The following PDIA6 variants were observed in gnomAD, a reference collection of about 807,000 sequenced individuals.
PDIA6 encodes the protein protein disulfide-isomerase A6.
In PDIA6, 29 loss-of-function variants were observed where a neutral mutation model predicts 58.4. The observed-to-expected ratio is 0.50, with a 90% CI of 0.37 to 0.68. The LOEUF (loss-of-function observed/expected upper bound fraction) is 0.68. Ranked by LOEUF, PDIA6 falls within the 30% of genes least tolerant of loss-of-function variation. The pLI, the probability that PDIA6 is intolerant of heterozygous loss-of-function variation, is 0.00. For missense variants in PDIA6, 480 were observed against 551.0 expected (o/e 0.87, Z 1.29); for synonymous variants, 192 against 202.6 (o/e 0.95, Z 0.44).
intron 1 of PDIA6, 42 bp downstream of exon 1, chr2:10,812,636 C>A: frequency 6.7e-7 from 1 of 1,503,198 alleles, no homozygotes; most frequent in South Asian, 1.2e-5. Flanking sequence ...CCTTTCAGGC[C>A]GACCCCAGCT....
At chr2:10,795,477 A>G (rs1666225712) in intron 4 of PDIA6, among the ~76,000 whole-genome samples, 1 of 121,934 alleles carries the variant, frequency 8.2e-6, no homozygotes, top group Non-Finnish European at 1.9e-5. Context: ...CCAAGGCCAC[A>G]TCTTCATCTT....
Position 10,797,767 on chromosome 2 carries a change from G to T in PDIA6, c.162-10C>A. ...TTGACAGTGACCACACCTTTTGGGG[G>T]AAGACAACACAAAGCAACCATTAAA... On this transcript the variant is annotated splice_polypyrimidine_tract_variant and intron_variant, in intron 2 of 12. Coordinates refer to ENST00000272227, the MANE Select transcript of PDIA6 (RefSeq NM_005742.4). 6.9e-6 allele frequency: 11 copies of T among 1,603,982 alleles called. No homozygotes were observed. Among genetic ancestry groups the T allele is most frequent in the Non-Finnish European group, 9.4e-6 (11 of 1,175,436 alleles).
upstream of PDIA6, among the ~76,000 whole-genome samples, chr2:10,835,456 C>T (rs114363400): frequency 0.03 from 4,555 of 152,200 alleles, 260 homozygotes; most frequent in African/African-American, 0.1. Context: ...AAGCCCAGTC[C>T]CCAGCCTGGA....
intron 10 of PDIA6, 115 bp downstream of exon 10, chr2:10,788,582 A>C (rs1358159371): frequency 5.3e-6 from 4 of 749,646 alleles, no homozygotes; most frequent in Non-Finnish European, 6.9e-6. Flanking sequence ...AAAAAAAAAA[A>C]CATATAGCAG....
At chr2:10,786,369 A>C (rs138451619) in intron 11 of PDIA6, among the ~76,000 whole-genome samples, 2 of 151,968 alleles carry the variant, frequency 1.3e-5, no homozygotes, top group Non-Finnish European at 2.9e-5. Flanking sequence ...ACAATGAGAG[A>C]GAGCTGGGAG....
chr2:10,816,077 CTTTTTTTT>C (rs57404091), upstream of PDIA6, among the ~76,000 whole-genome samples: 186 of 96,474 alleles, frequency 1.9e-3, 1 homozygote, highest in African/African-American at 6.9e-3. Context: ...AATCATTTGT[CTTTTTTTT>C]TTTTTTTTTT....
Position 10,787,357 on chromosome 2 carries a change from C to T in PDIA6, c.1081G>A (p.Ala361Thr), listed in dbSNP as rs571578605. 1.5e-5 allele frequency: 25 copies of T among 1,614,066 alleles called. No individual in the cohort carries two copies. The highest frequency in any genetic ancestry group is 1.1e-4 in the African/African-American group (8 of 75,024). ...IGGFGYPAMAAINARKMKFAL... is the reference protein window; with the variant it reads ...IGGFGYPAMATINARKMKFAL... ...AATTTCATCTTGCGTGCATTGATGG[C>T]GGCCATGGCGGGGTACCCAAACCCT... The change falls in exon 11 of 13, where the codon GCC (alanine) becomes ACC (threonine). Residue 361 changes from alanine to threonine, a missense_variant. By Grantham distance (58) the Ala-to-Thr change is moderately conservative. Transcript: ENST00000272227.
Position 10,793,296 on chromosome 2 carries a change from G to GTCTTTAC in PDIA6, c.347-95_347-94insGTAAAGA, listed in dbSNP as rs1572659957. 202 of 747,208 alleles carry GTCTTTAC rather than the reference G, an allele frequency of 2.7e-4. 1 individual carries two copies. The East Asian group carries it at 5.2e-3, about 19-fold the overall frequency. 46.3% of individuals were successfully genotyped at this position (747,208 alleles called of 1,614,324 possible). A position where few individuals can be genotyped will look rare whatever the true frequency, so the allele number is the denominator to read the frequency against. ...AGACTGTGTCTTTACCTCACTGTCG[G>GTCTTTAC]CTTCACCAGGTGTGACACAGTTCTG... On this transcript the variant is annotated intron_variant, in intron 4 of 12. Coordinates refer to ENST00000272227, the MANE Select transcript of PDIA6 (RefSeq NM_005742.4).
upstream of PDIA6, among the ~76,000 whole-genome samples, chr2:10,835,560 C>A (rs368451615): frequency 1.2e-3 from 190 of 152,290 alleles, 3 homozygotes; most frequent in African/African-American, 3.9e-3. Flanking sequence ...CCGGCACACT[C>A]GGATACACAG....
chr2:10,835,778 G>A (rs1667819754), upstream of PDIA6, among the ~76,000 whole-genome samples: 1 of 152,150 alleles, frequency 6.6e-6, no homozygotes, highest in Non-Finnish European at 1.5e-5. Flanking sequence ...GGGGCCGGGC[G>A]CGGTGGCTCA....
At chr2:10,806,344 C>A (rs1279360530) in intron 1 of PDIA6, among the ~76,000 whole-genome samples, 3 of 146,196 alleles carry the variant, frequency 2.1e-5, no homozygotes, top group African/African-American at 7.6e-5. Context: ...CTCACTCCAG[C>A]CTGATAGGGC....
intron 1 of PDIA6, among the ~76,000 whole-genome samples, chr2:10,803,470 A>G (rs1666599444): frequency 1.3e-5 from 2 of 151,538 alleles, no homozygotes; most frequent in South Asian, 2.1e-4. Context: ...GTTTATTTTT[A>G]TAAATAGTTT....
intron 1 of PDIA6, chr2:10,820,761 G>C: frequency 1.4e-6 from 1 of 703,064 alleles, no homozygotes; most frequent in East Asian, 2.7e-5. Context: ...AGCTGGGCCA[G>C]TTCACTCACA....
chr2:10,801,792 C>G (rs1666522441), intron 2 of PDIA6, among the ~76,000 whole-genome samples: 1 of 152,130 alleles, frequency 6.6e-6, no homozygotes, highest in African/African-American at 2.4e-5. Flanking sequence ...TCAGGCATAC[C>G]CTAAAATGTA....
chr2:10,833,903 A>C (rs1435449813), upstream of PDIA6, among the ~76,000 whole-genome samples: 1 of 152,226 alleles, frequency 6.6e-6, no homozygotes, highest in Non-Finnish European at 1.5e-5. Context: ...TGGAAGCCCC[A>C]GACGCTTGTT....
intron 1 of PDIA6, chr2:10,810,180 TATGTG>T: frequency 3.7e-6 from 3 of 807,790 alleles, no homozygotes; most frequent in Non-Finnish European, 6.2e-6. Flanking sequence ...CCCTATGTGG[TATGTG>T]TCATGGTGCC....
At chr2:10,826,640 G>A (rs568192332) in intron 1 of PDIA6, among the ~76,000 whole-genome samples, 7 of 152,300 alleles carry the variant, frequency 4.6e-5, no homozygotes, top group South Asian at 2.1e-4. Flanking sequence ...GATTACAGGC[G>A]TGAGCCGCTG....
chr2:10,801,320 A>C (rs989955158), intron 2 of PDIA6, among the ~76,000 whole-genome samples: 1 of 152,086 alleles, frequency 6.6e-6, no homozygotes, highest in African/African-American at 2.4e-5. Context: ...TCACCCAAAC[A>C]CCACAAAGTA....
chr2:10,830,774 G>T (rs566153459), intron 1 of PDIA6, among the ~76,000 whole-genome samples: 2 of 152,320 alleles, frequency 1.3e-5, no homozygotes, highest in Admixed American at 1.3e-4. Context: ...GCGTGGCTGT[G>T]CCCCTGGACA....
Sources: allele counts gnomAD v4.1 joint callset (sites outside exome capture counted in the v4.1 genomes callset), GRCh38; gene constraint gnomAD v4.1.1; transcripts MANE v1.5; gene names NCBI Gene and HGNC (gene_info 2026-07-23, HGNC 2026-07-21).